The following SH3BP4 variants were observed in gnomAD, a reference collection of about 807,000 sequenced individuals.
The protein encoded by SH3BP4 is SH3 domain-binding protein 4.
A neutral mutation model predicts 65.5 loss-of-function variants in SH3BP4; 33 were observed. The ratio of observed to expected loss-of-function variants is 0.50; its 90% CI spans 0.38 to 0.67. The LOEUF (loss-of-function observed/expected upper bound fraction) is 0.67. Ranked by LOEUF, SH3BP4 falls within the 30% of genes least tolerant of loss-of-function variation. The pLI is 0.00. For missense variants in SH3BP4, 1,134 were observed against 1,261.4 expected (o/e 0.90, Z 1.53); for synonymous variants, 552 against 545.5 (o/e 1.01, Z -0.17).
chr2:234,980,342 A>G (rs551182351), intron 1 of SH3BP4, among the ~76,000 whole-genome samples: 3 of 152,374 alleles, frequency 2.0e-5, no homozygotes, highest in East Asian at 1.9e-4. Context: ...TAGAACAATT[A>G]TAGCACTATA....
intron 1 of SH3BP4, among the ~76,000 whole-genome samples, chr2:234,959,904 G>T (rs112362069): frequency 6.6e-6 from 1 of 151,962 alleles, no homozygotes; most frequent in Non-Finnish European, 1.5e-5. Flanking sequence ...TGCCCACCTC[G>T]GCCTCCCAAA....
intron 2 of SH3BP4, among the ~76,000 whole-genome samples, chr2:235,010,006 G>A (rs1196443371): frequency 6.6e-6 from 1 of 151,924 alleles, no homozygotes; most frequent in East Asian, 1.9e-4. Context: ...GTGAGTGCTG[G>A]AGCTTCCTGG....
intron 1 of SH3BP4, among the ~76,000 whole-genome samples, chr2:234,972,120 T>G (rs556838651): frequency 5.0e-4 from 74 of 147,318 alleles, no homozygotes; most frequent in South Asian, 1.9e-3. Flanking sequence ...CGGCCTTTTT[T>G]TTTTTTGTTT....
intron 1 of SH3BP4, among the ~76,000 whole-genome samples, chr2:234,966,208 A>T (rs1017596611): frequency 6.6e-6 from 1 of 152,186 alleles, no homozygotes; most frequent in Non-Finnish European, 1.5e-5. Flanking sequence ...GTGAATCCCC[A>T]TCTTTACTAA....
chr2:235,010,800 CCTT>C (rs1271622533), intron 2 of SH3BP4, among the ~76,000 whole-genome samples: 1 of 118,216 alleles, frequency 8.5e-6, no homozygotes, highest in East Asian at 2.8e-4. Flanking sequence ...CTAGGAGAAA[CCTT>C]CCTCCCTCTT....
intron 1 of SH3BP4, among the ~76,000 whole-genome samples, chr2:234,970,141 T>G (rs1692955335): frequency 6.6e-6 from 1 of 152,044 alleles, no homozygotes; most frequent in South Asian, 2.1e-4. Flanking sequence ...ACACACACTC[T>G]CACACTCACT....
rs1159369218 is a variant in SH3BP4, at chr2:235,045,163, C to T, written c.2478+1916C>T. Among the ~76,000 whole-genome samples the T allele has an allele frequency of 2.6e-5, 4 of 152,168 alleles. No homozygotes were observed. Among genetic ancestry groups the T allele is most frequent in the African/African-American group, 4.8e-5 (2 of 41,442 alleles). ...GCACCCAGCACAGTGGCAGACAAAG[C>T]GCCTCCATCCCGTGAGAGCCTCTGT... On this transcript the variant is annotated intron_variant, in intron 4 of 5. Transcript: ENST00000392011. This position sits in a 1 kb window ranked among gnomAD's most constrained non-coding sequence, Gnocchi z 4.3.
At position 235,053,659 on chromosome 2, in the gene SH3BP4, A is replaced by C. The variant is rs758351836; in HGVS notation, c.2735A>C (p.Asp912Ala). 6.2e-7 allele frequency: 1 copy of C among 1,614,144 alleles called. No individual in the cohort carries two copies. Among genetic ancestry groups the C allele is most frequent in the Non-Finnish European group, 8.5e-7 (1 of 1,180,014 alleles). The change falls in exon 6 of 6, where the codon GAT (aspartate) becomes GCT (alanine). Residue 912 changes from aspartate (D) to alanine (A), a missense_variant. Transcript: ENST00000392011. ...CATCAGATCGGGGACAGCTACCGGG[A>C]TGTCATCCAGGAGCTGCACCTGGGC... ...WSHQIGDSYR[D>A]VIQELHLGLD...
At chr2:235,043,726 A>C (rs1695749859) in intron 4 of SH3BP4, among the ~76,000 whole-genome samples, 1 of 129,546 alleles carries the variant, frequency 7.7e-6, no homozygotes, top group Non-Finnish European at 1.6e-5. Context: ...GCGGCTCAGC[A>C]CAGCCTTTCG....
At chr2:234,954,969 G>T (rs1365213114) in intron 1 of SH3BP4, among the ~76,000 whole-genome samples, 2 of 152,160 alleles carry the variant, frequency 1.3e-5, no homozygotes. Context: ...GCCTTGTTTT[G>T]ACCGAGTAGG....
intron 3 of SH3BP4, among the ~76,000 whole-genome samples, chr2:235,036,826 A>C (rs192650528): frequency 2.6e-5 from 4 of 151,976 alleles, no homozygotes. Context: ...GAGGAAGACA[A>C]ACAAGACAGC....
rs113974212 is a variant in SH3BP4 at position 234,978,677 on chromosome 2, T to C, written c.-206-16626T>C. 7.8e-3 allele frequency: 1,193 copies of C among 152,286 alleles called. 9 individuals carry two copies. The highest frequency in any genetic ancestry group is 0.012 in the Non-Finnish European group (816 of 68,034). The allele number at this position is 152,286 out of a possible 1,614,324, so 9.4% of individuals were successfully genotyped here. ...CAACTTCCAGCAAATCCGTGGTTGT[T>C]TTCAGTTACCTTAAGAGGGACAACT... On this transcript the variant is annotated intron_variant, in intron 1 of 5. Transcript: ENST00000392011. The surrounding 1 kb of genome is among the most constrained non-coding windows in gnomAD (Gnocchi z 4.1).
chr2:234,970,747 T>G (rs1169971646), intron 1 of SH3BP4, among the ~76,000 whole-genome samples: 1 of 152,234 alleles, frequency 6.6e-6, no homozygotes, highest in African/African-American at 2.4e-5. Context: ...ATGTCTGTAT[T>G]CCCAGATGGG....
intron 1 of SH3BP4, among the ~76,000 whole-genome samples, chr2:234,984,390 G>C (rs1051901650): frequency 6.6e-6 from 1 of 150,910 alleles, no homozygotes; most frequent in Non-Finnish European, 1.5e-5. Flanking sequence ...TTAACTTTTT[G>C]TAGAGACGAA....
intron 1 of SH3BP4, chr2:234,981,620 C>G (rs1257570496): frequency 6.6e-6 from 1 of 152,220 alleles, no homozygotes; most frequent in Non-Finnish European, 1.5e-5. Flanking sequence ...TCCTGCCATT[C>G]AGTCGCAGTT....
chr2:235,003,474 GTGTC>G (rs1694195987), intron 2 of SH3BP4, among the ~76,000 whole-genome samples: 2 of 152,268 alleles, frequency 1.3e-5, no homozygotes, highest in South Asian at 4.1e-4. Flanking sequence ...GAAGGATAGA[GTGTC>G]TGTTTACTGT....
chr2:234,985,504 C>T (rs1693521328), intron 1 of SH3BP4, among the ~76,000 whole-genome samples: 1 of 152,106 alleles, frequency 6.6e-6, no homozygotes, highest in Non-Finnish European at 1.5e-5. Context: ...TGTGCATAAG[C>T]ATTTTAGACC....
At chr2:235,000,992 A>T (rs1235510924) in intron 2 of SH3BP4, among the ~76,000 whole-genome samples, 1 of 152,042 alleles carries the variant, frequency 6.6e-6, no homozygotes, top group Non-Finnish European at 1.5e-5. Flanking sequence ...TTTCCTTCTT[A>T]CCTTATCATT....
intron 2 of SH3BP4, among the ~76,000 whole-genome samples, chr2:235,029,853 TG>T (rs1420855201): frequency 6.6e-6 from 1 of 152,128 alleles, no homozygotes; most frequent in Non-Finnish European, 1.5e-5. Flanking sequence ...CATGCACTGA[TG>T]GGTCACTCTA....
Sources: allele counts gnomAD v4.1 joint callset (sites outside exome capture counted in the v4.1 genomes callset), GRCh38; gene constraint gnomAD v4.1.1; non-coding constraint Gnocchi (gnomAD v3.1); transcripts MANE v1.5; gene names NCBI Gene and HGNC (gene_info 2026-07-23, HGNC 2026-07-21).